The following HERC6 variants were observed in gnomAD, a reference collection of about 807,000 sequenced individuals.
HERC6 encodes probable E3 ubiquitin-protein ligase HERC6.
A neutral mutation model predicts 114.5 loss-of-function variants in HERC6; 101 were observed. That is an observed-to-expected ratio of 0.88 (90% CI 0.75 to 1.04). The LOEUF is 1.04. Among genes scored for constraint, HERC6 ranks in the 50% least tolerant of loss-of-function variants. HERC6 has a pLI of 0.00. For missense variants in HERC6, 1,133 were observed against 1,230.9 expected (o/e 0.92, Z 1.19); for synonymous variants, 408 against 436.2 (o/e 0.94, Z 0.81).
intron 8 of HERC6, among the ~76,000 whole-genome samples, chr4:88,401,701 T>G (rs1735555645): frequency 6.6e-6 from 1 of 152,202 alleles, no homozygotes; most frequent in Admixed American, 6.5e-5. Flanking sequence ...CAATTTTCAG[T>G]GATGCATAAG....
intron 3 of HERC6, among the ~76,000 whole-genome samples, chr4:88,390,305 T>C (rs1286873304): frequency 6.6e-6 from 1 of 151,918 alleles, no homozygotes; most frequent in Non-Finnish European, 1.5e-5. Context: ...AACTTTCAGT[T>C]ATAAGGTGAG....
At chr4:88,397,613 CT>C (rs749649391) in intron 7 of HERC6, among the ~76,000 whole-genome samples, 3 of 151,824 alleles carry the variant, frequency 2.0e-5, no homozygotes, top group Non-Finnish European at 2.9e-5. Context: ...AGGAGAACCC[CT>C]TGAACCAAGG....
intron 4 of HERC6, among the ~76,000 whole-genome samples, chr4:88,391,904 G>A (rs1161541610): frequency 6.6e-6 from 1 of 151,876 alleles, no homozygotes; most frequent in Non-Finnish European, 1.5e-5. Flanking sequence ...TTCAGCATTA[G>A]CTAAGTTTTT....
At position 88,436,890 on chromosome 4, in the gene HERC6, C is replaced by G; in HGVS notation, c.2418-15C>G. 1.3e-6 allele frequency: 2 copies of G among 1,581,152 alleles called. No homozygotes were observed. Among genetic ancestry groups the G allele is most frequent in the South Asian group, 1.2e-5 (1 of 84,144 alleles). ...GATCAATAAATATAATTTTTAAAAC[C>G]AAAATCTTCATTAGGAGTTTGCAAG... On this transcript the variant is annotated splice_polypyrimidine_tract_variant and intron_variant, in intron 18 of 22. Transcript: ENST00000264346.
intron 12 of HERC6, among the ~76,000 whole-genome samples, chr4:88,417,110 T>C (rs1034753069): frequency 6.6e-6 from 1 of 152,192 alleles, no homozygotes; most frequent in African/African-American, 2.4e-5. Flanking sequence ...TCAGACTTCA[T>C]AGATACCCTA....
chr4:88,439,534 T>A (rs1739118574), intron 20 of HERC6, among the ~76,000 whole-genome samples: 1 of 152,020 alleles, frequency 6.6e-6, no homozygotes, highest in Non-Finnish European at 1.5e-5. Flanking sequence ...GGCCTGTTGA[T>A]CCCTGCTAAG....
At chr4:88,423,076 T>G (rs1737228811) in intron 13 of HERC6, among the ~76,000 whole-genome samples, 1 of 151,886 alleles carries the variant, frequency 6.6e-6, no homozygotes. Context: ...TTTTGTTTTT[T>G]TTAAAGTCTT....
At chr4:88,442,213 C>A (rs771234193) in intron 22 of HERC6, 21 bp from the exon 23 acceptor site, 2 of 1,549,672 alleles carry the variant, frequency 1.3e-6, no homozygotes, top group Non-Finnish European at 1.8e-6. Flanking sequence ...AATATCTTAA[C>A]CAAATTTTAT....
Position 88,428,673 on chromosome 4 carries a change from A to AG in HERC6, c.2030dup (p.Arg678ThrfsTer6). On this transcript the variant is annotated frameshift_variant, in exon 16 of 23. Coordinates refer to ENST00000264346, the MANE Select transcript of HERC6 (RefSeq NM_017912.4). LOFTEE classifies it high-confidence loss of function. The stretch of plus-strand genomic sequence containing the variant: ...ATCACCCAGATTTATACTTAGAGTC[A>AG]GACGAAGTCGCCTGGTTAAAGATGC... 3.1e-6 allele frequency: 5 copies of AG among 1,604,782 alleles called. No individual in the cohort carries two copies. The highest frequency in any genetic ancestry group is 4.3e-6 in the Non-Finnish European group (5 of 1,175,770).
intron 3 of HERC6, among the ~76,000 whole-genome samples, chr4:88,389,650 G>C (rs570288679): frequency 1.3e-5 from 2 of 152,058 alleles, no homozygotes; most frequent in African/African-American, 2.4e-5. Flanking sequence ...TTGTTTGAAG[G>C]GACTTTTGAA....
At chr4:88,428,426 T>C (rs1737847106) in intron 15 of HERC6, among the ~76,000 whole-genome samples, 154 bp from the exon 16 acceptor site, 1 of 152,222 alleles carries the variant, frequency 6.6e-6, no homozygotes, top group African/African-American at 2.4e-5. Context: ...GGCAGATATG[T>C]TGTCTGTTTT....
chr4:88,392,483 C>G (rs567582993), intron 4 of HERC6, among the ~76,000 whole-genome samples: 1 of 152,166 alleles, frequency 6.6e-6, no homozygotes, highest in East Asian at 1.9e-4. Context: ...AGACACCATG[C>G]CTGACCAGTT....
chr4:88,401,402 G>C (rs1435603760), intron 8 of HERC6, among the ~76,000 whole-genome samples: 1 of 150,000 alleles, frequency 6.7e-6, no homozygotes, highest in Non-Finnish European at 1.5e-5. Context: ...CTGAGGCAGA[G>C]AATTGCTTGA....
chr4:88,423,276 C>G (rs555248001), intron 13 of HERC6, among the ~76,000 whole-genome samples: 4 of 152,004 alleles, frequency 2.6e-5, no homozygotes, highest in Non-Finnish European at 5.9e-5. Context: ...CTCTAGGAAG[C>G]CTTCTTGAAC....
rs1035643671 is a variant in HERC6 at position 88,442,668 on chromosome 4, A to G, written c.*208A>G. On this transcript the variant is annotated 3_prime_UTR_variant, in exon 23 of 23. Coordinates refer to ENST00000264346, the MANE Select transcript of HERC6 (RefSeq NM_017912.4). ...GAATAGGGTACAGAGATAGGGATCT[A>G]AGGATGACTTGGACACACTCCCTGG... 2 of 585,800 alleles carry G rather than the reference A, an allele frequency of 3.4e-6. No individual in the cohort carries two copies. Among genetic ancestry groups the G allele is most frequent in the African/African-American group, 3.7e-5 (2 of 53,652 alleles). 36.3% of individuals were successfully genotyped at this position (585,800 alleles called of 1,614,324 possible). A position where few individuals can be genotyped will look rare whatever the true frequency, so the allele number is the denominator to read the frequency against.
chr4:88,440,135 T>C lies in HERC6; in HGVS notation c.2740-13T>C. 1.9e-6 allele frequency: 3 copies of C among 1,605,056 alleles called. No individual in the cohort carries two copies. Among genetic ancestry groups the C allele is most frequent in the Non-Finnish European group, 2.6e-6 (3 of 1,173,552 alleles). The stretch of plus-strand genomic sequence containing the variant: ...ACCCCACTCAAATCATTTTTCTCCC[T>C]CTTTCTCTCAAGAATTCAAAGTATG... On this transcript the variant is annotated splice_polypyrimidine_tract_variant and intron_variant, in intron 21 of 22. Coordinates refer to ENST00000264346, the MANE Select transcript of HERC6 (RefSeq NM_017912.4).
intron 14 of HERC6, 40 bp from the exon 15 acceptor site, chr4:88,424,555 T>G (rs1472203281): frequency 6.9e-7 from 1 of 1,441,726 alleles, no homozygotes; most frequent in Non-Finnish European, 9.6e-7. Flanking sequence ...TTTTTCATTG[T>G]TTTTAATTAT....
At chr4:88,423,084 C>G (rs1220813010) in intron 13 of HERC6, among the ~76,000 whole-genome samples, 2 of 147,430 alleles carry the variant, frequency 1.4e-5, no homozygotes, top group African/African-American at 5.0e-5. Context: ...TTTTTAAAGT[C>G]TTACCAGGAA....
chr4:88,410,058 C>T (rs990191177), intron 11 of HERC6, among the ~76,000 whole-genome samples: 2 of 152,148 alleles, frequency 1.3e-5, no homozygotes, highest in African/African-American at 4.8e-5. Context: ...GCAGTGTGAA[C>T]CCCAAATATC....
Sources: allele counts gnomAD v4.1 joint callset (sites outside exome capture counted in the v4.1 genomes callset), GRCh38; gene constraint gnomAD v4.1.1; transcripts MANE v1.5; gene names NCBI Gene and HGNC (gene_info 2026-07-23, HGNC 2026-07-21).